The following PARN variants were observed in gnomAD, a reference collection of about 807,000 sequenced individuals.
The protein encoded by PARN is poly(A)-specific ribonuclease PARN.
In PARN, 71 loss-of-function variants were observed where a neutral mutation model predicts 102.8. The ratio of observed to expected loss-of-function variants is 0.69; its 90% confidence interval spans 0.57 to 0.84. The LOEUF (loss-of-function observed/expected upper bound fraction) is 0.84. Ranked by LOEUF, PARN falls within the 40% of genes least tolerant of loss-of-function variation. The pLI, the probability that PARN is intolerant of heterozygous loss-of-function variation, is 0.00. For missense variants in PARN, 782 were observed against 760.9 expected, an observed-to-expected ratio of 1.03 and a Z score of -0.33; for synonymous variants, 261 against 252.9, an observed-to-expected ratio of 1.03 and a Z score of -0.30.
chr16:14,471,733 C>A (rs1962755298), intron 22 of PARN, among the ~76,000 whole-genome samples: 1 of 152,156 alleles, frequency 6.6e-6, no homozygotes, highest in South Asian at 2.1e-4. Context: ...CTAAGAACCT[C>A]ATATAAGTGA....
At chr16:14,522,292 T>C (rs1162398916) in intron 21 of PARN, among the ~76,000 whole-genome samples, 2 of 152,176 alleles carry the variant, frequency 1.3e-5, no homozygotes, top group Non-Finnish European at 2.9e-5. Context: ...TGAGCTAAGG[T>C]AGAGCCTCTT....
At chr16:14,482,418 T>C (rs372728423) in intron 22 of PARN, among the ~76,000 whole-genome samples, 1 of 151,962 alleles carries the variant, frequency 6.6e-6, no homozygotes, top group African/African-American at 2.4e-5. Context: ...CCTGTCTACC[T>C]CAAAGAGGTT....
At chr16:14,623,107 A>G (rs1433975248) in intron 5 of PARN, among the ~76,000 whole-genome samples, 1 of 151,964 alleles carries the variant, frequency 6.6e-6, no homozygotes, top group Non-Finnish European at 1.5e-5. Context: ...CTCCAAAAAA[A>G]AAAAAAAGCT....
intron 13 of PARN, among the ~76,000 whole-genome samples, chr16:14,586,894 C>T (rs879768744): frequency 1.3e-5 from 2 of 152,168 alleles, no homozygotes; most frequent in Non-Finnish European, 2.9e-5. Flanking sequence ...ACATATGATT[C>T]CTGTTTCAAC....
chr16:14,553,256 TAAAAAAAA>T (rs58411352), intron 20 of PARN, among the ~76,000 whole-genome samples: 55 of 117,474 alleles, frequency 4.7e-4, no homozygotes, highest in Non-Finnish European at 7.9e-4. Context: ...TATTTCTATT[TAAAAAAAA>T]AAAAAAAAAA....
At chr16:14,556,333 T>C (rs1967687962) in intron 18 of PARN, among the ~76,000 whole-genome samples, 1 of 151,796 alleles carries the variant, frequency 6.6e-6, no homozygotes, top group South Asian at 2.1e-4. Context: ...TAATTTTTTG[T>C]ATTTTTAGTA....
Position 14,435,896 on chromosome 16 carries a change from TCACACACACACACACACACACA to T in PARN, c.*799_*820del, listed in dbSNP as rs71373026. The T allele has an allele frequency of 2.3e-5, 3 of 131,076 alleles. No homozygotes were observed. Among genetic ancestry groups the T allele is most frequent in the Non-Finnish European group, 3.2e-5 (2 of 62,818 alleles). The allele number at this position is 131,076 out of a possible 1,614,324, so 8.1% of individuals were successfully genotyped here. On this transcript the variant is annotated 3_prime_UTR_variant, in exon 24 of 24. Transcript: ENST00000437198. ...GGACATGTTGTAGATTTGCACGATT[TCACACACACACACACACACACA>T]CACACACACACACACACACACACAC...
rs146703595 is a variant in PARN, at chr16:14,624,722, C to T, written c.327+2384G>A. Reference sequence around the variant, plus strand: ...TCACCTGAGGTCAGGAGTTTGAGACCAGCCCGACCGACATGGAGAAACCCC... The same window carrying T: ...TCACCTGAGGTCAGGAGTTTGAGACTAGCCCGACCGACATGGAGAAACCCC... On this transcript the variant is annotated intron_variant, in intron 5 of 23. Coordinates refer to ENST00000437198, the MANE Select transcript of PARN (RefSeq NM_002582.4). Among the ~76,000 whole-genome samples, 12 of 152,240 alleles carry T rather than the reference C, an allele frequency of 7.9e-5. No homozygotes were observed. The East Asian group carries it at 2.1e-3, about 27-fold the overall frequency.
intron 22 of PARN, among the ~76,000 whole-genome samples, chr16:14,475,588 G>A (rs1962995623): frequency 6.6e-6 from 1 of 152,194 alleles, no homozygotes; most frequent in African/African-American, 2.4e-5. Flanking sequence ...CAATACCAGT[G>A]TAAACAGCAA....
chr16:14,540,043 G>C lies in PARN; in HGVS notation c.1480+11978C>G, dbSNP rs150240975. Among the ~76,000 whole-genome samples, 1,266 of 152,284 alleles carry C rather than the reference G, an allele frequency of 8.3e-3. 21 individuals carry two copies. Among genetic ancestry groups the C allele is most frequent in the African/African-American group, 0.029 (1,187 of 41,556 alleles). ...TTATAGCATTTTATATCAAGGCCTTGAACATGCCTGGATTTTGAAGTCTGC... is the reference window on the plus strand; with the variant it reads ...TTATAGCATTTTATATCAAGGCCTTCAACATGCCTGGATTTTGAAGTCTGC... On this transcript the variant is annotated intron_variant, in intron 21 of 23. Coordinates refer to ENST00000437198, the MANE Select transcript of PARN (RefSeq NM_002582.4).
intron 22 of PARN, among the ~76,000 whole-genome samples, chr16:14,451,886 A>AAAAAATAC (rs1567287357): frequency 7.2e-6 from 1 of 138,748 alleles, no homozygotes. Flanking sequence ...AAAAAAAAAA[A>AAAAAATAC]AAAAAATACA....
chr16:14,556,850 TG>T, intron 18 of PARN, among the ~76,000 whole-genome samples: 1 of 152,282 alleles, frequency 6.6e-6, no homozygotes, highest in East Asian at 1.9e-4. Flanking sequence ...TCTGGGAGTC[TG>T]AAATAAGTGA....
chr16:14,508,757 A>G (rs556779220), intron 21 of PARN, among the ~76,000 whole-genome samples: 2 of 151,784 alleles, frequency 1.3e-5, no homozygotes, highest in South Asian at 4.2e-4. Context: ...AAAAAAGATA[A>G]TTTAAAAATT....
intron 21 of PARN, among the ~76,000 whole-genome samples, chr16:14,487,243 G>C (rs1012792090): frequency 2.6e-5 from 4 of 152,244 alleles, no homozygotes; most frequent in African/African-American, 9.6e-5. Context: ...TTGTAGGTAA[G>C]CAACAAAGCT....
chr16:14,532,705 ACCGGGCAGAGGCGCCCCTCACCTC>A (rs991845097), intron 21 of PARN, among the ~76,000 whole-genome samples: 2 of 149,650 alleles, frequency 1.3e-5, no homozygotes, highest in African/African-American at 4.9e-5. Flanking sequence ...CGGGGGGGCG[ACCGGGCAGAGGCGCCCCTCACCTC>A]CCGGGAGGGG....
At chr16:14,611,637 T>G (rs1971524935) in intron 6 of PARN, among the ~76,000 whole-genome samples, 1 of 152,096 alleles carries the variant, frequency 6.6e-6, no homozygotes, top group South Asian at 2.1e-4. Flanking sequence ...GCCTCCCAGG[T>G]TCAAGCAATT....
intron 23 of PARN, among the ~76,000 whole-genome samples, chr16:14,443,569 C>T (rs1445568902): frequency 6.6e-6 from 1 of 152,132 alleles, no homozygotes; most frequent in African/African-American, 2.4e-5. Flanking sequence ...GAACTCTTGA[C>T]CTCAGGTGAT....
chr16:14,522,732 G>A (rs1265779301), intron 21 of PARN, among the ~76,000 whole-genome samples: 1 of 152,146 alleles, frequency 6.6e-6, no homozygotes, highest in African/African-American at 2.4e-5. Flanking sequence ...CAGAAAGGCT[G>A]CCCCCTCCAA....
At chr16:14,604,860 C>A (rs199497847) in intron 10 of PARN, among the ~76,000 whole-genome samples, 2 of 152,100 alleles carry the variant, frequency 1.3e-5, no homozygotes, top group East Asian at 1.9e-4. Context: ...AAGTGATCTG[C>A]CCACCTTGGC....
Sources: gnomAD v4.1 joint callset for allele counts (sites outside exome capture counted in the v4.1 genomes callset) on GRCh38, gnomAD v4.1.1 for gene constraint, MANE v1.5 for transcripts, NCBI Gene and HGNC (gene_info 2026-07-23, HGNC 2026-07-21) for gene names.